Variants in ERG observed in about 807,000 individuals in gnomAD.
ERG encodes ETS transcription factor ERG.
Under a neutral mutation model 55.3 loss-of-function variants are expected in ERG, and 9 were observed. The observed-to-expected ratio is 0.16, with a 90% confidence interval of 0.10 to 0.28. The LOEUF (loss-of-function observed/expected upper bound fraction) is 0.28. Among genes scored for constraint, ERG ranks in the 10% least tolerant of loss-of-function variants. The pLI is 1.00. For synonymous variants in ERG, 223 were observed against 237.3 expected (o/e 0.94, Z 0.55); for missense variants, 434 against 631.6 (o/e 0.69, Z 3.35).
intron 1 of ERG, among the ~76,000 whole-genome samples, chr21:38,468,567 G>C (rs2059110099): frequency 6.6e-6 from 1 of 152,120 alleles, no homozygotes; most frequent in South Asian, 2.1e-4. Flanking sequence ...TGACAGCAGA[G>C]GAAAGAATTG....
intron 2 of ERG, among the ~76,000 whole-genome samples, chr21:38,442,797 A>AT (rs1056519802): frequency 2.6e-5 from 4 of 152,092 alleles, no homozygotes; most frequent in African/African-American, 9.7e-5. Context: ...CAGAATGCTT[A>AT]TTTTTTTATT....
Position 38,445,571 on chromosome 21 carries a change from G to T in ERG, c.69C>A (p.Tyr23Ter). Residue 23 changes from tyrosine to a stop codon, truncating the protein, a stop_gained, in exon 2 of 10, where the codon TAC becomes TAA. Transcript: ENST00000288319. LOFTEE classifies it high-confidence loss of function. Reference protein sequence around the residue: ...SEDQSLFECAYGTPHLAKTEM... With the variant: ...SEDQSLFECA ...CTGTCTTAGCCAGGTGTGGCGTTCC[G>T]TAGGCACACTCAAACAACGACTGGT... 6.2e-7 allele frequency: 1 copy of T among 1,614,036 alleles called. No individual in the cohort carries two copies. Among genetic ancestry groups the T allele is most frequent in the Non-Finnish European group, 8.5e-7 (1 of 1,180,010 alleles).
At chr21:38,619,518 A>C (rs1027496289) in intron 1 of ERG, among the ~76,000 whole-genome samples, 1 of 152,136 alleles carries the variant, frequency 6.6e-6, no homozygotes, top group Non-Finnish European at 1.5e-5. Context: ...AAAGACCCCA[A>C]AAAAATGGCA....
At chr21:38,521,729 G>A (rs1263354351) in intron 2 of ERG, among the ~76,000 whole-genome samples, 1 of 152,176 alleles carries the variant, frequency 6.6e-6, no homozygotes, top group Admixed American at 6.5e-5. Context: ...TAGACACAAT[G>A]GTGACAAAGC....
chr21:38,445,417 C>A lies in ERG; in HGVS notation c.223G>T (p.Val75Leu). ...TIKMECNPSQVNGSRNSPDEC... is the reference protein window; with the variant it reads ...TIKMECNPSQLNGSRNSPDEC... The stretch of plus-strand genomic sequence containing the variant: ...AAGTCTCCTTACCTTGAGCCATTCA[C>A]CTGGCTAGGGTTACATTCCATTTTG... Residue 75 changes from valine (V) to leucine (L), a missense_variant, in exon 2 of 10, where the codon GTG becomes TTG. By Grantham distance (32) the Val-to-Leu change is conservative. Around this residue, in one of 5 missense-constraint regions of ERG, gnomAD observed 212 missense variants for 262.9 expected, o/e 0.81. Transcript: ENST00000288319. 6.2e-7 allele frequency: 1 copy of A among 1,613,730 alleles called. No homozygotes were observed. The highest frequency in any genetic ancestry group is 8.5e-7 in the Non-Finnish European group (1 of 1,179,652).
Position 38,445,591 on chromosome 21 carries a change from A to G in ERG, c.49T>C (p.Ser17Pro). 6.2e-7 allele frequency: 1 copy of G among 1,614,112 alleles called. No individual in the cohort carries two copies. The highest frequency in any genetic ancestry group is 8.5e-7 in the Non-Finnish European group (1 of 1,180,028). ...GTTCCGTAGGCACACTCAAACAACG[A>G]CTGGTCCTCACTCACAACTGATAAG... Reference protein sequence around the residue: ...EALSVVSEDQSLFECAYGTPH... With the variant: ...EALSVVSEDQPLFECAYGTPH... The change falls in exon 2 of 10, where the codon TCG becomes CCG. Residue 17 changes from serine (S) to proline (P), a missense_variant. Ser to Pro is a moderately conservative substitution (Grantham distance 74). Transcript: ENST00000288319.
At chr21:38,526,085 G>A (rs2059628266) in intron 2 of ERG, among the ~76,000 whole-genome samples, 1 of 152,166 alleles carries the variant, frequency 6.6e-6, no homozygotes, top group African/African-American at 2.4e-5. Flanking sequence ...AAATGTGATG[G>A]CGTGGTCTGT....
rs192875418 is a variant in ERG, at chr21:38,406,141, C to T, written c.389-2432G>A. On this transcript the variant is annotated intron_variant, in intron 3 of 9. Transcript: ENST00000288319. ...CTGCACTCCAGCCTGAGCGACAGAG[C>T]GAGACTCCATCTCAAAAAAAAAAAA... Among the ~76,000 whole-genome samples the T allele has an allele frequency of 4.2e-3, 280 of 66,628 alleles. 1 individual carries two copies. The highest frequency in any genetic ancestry group is 0.014 in the African/African-American group (246 of 17,568). 43.7% of individuals were successfully genotyped at this position (66,628 alleles called of 152,430 possible). A position where few individuals can be genotyped will look rare whatever the true frequency, so the allele number is the denominator to read the frequency against.
intron 1 of ERG, among the ~76,000 whole-genome samples, chr21:38,650,552 G>A (rs1267936491): frequency 2.6e-5 from 4 of 152,050 alleles, no homozygotes; most frequent in South Asian, 4.2e-4. Context: ...CACAAGAATC[G>A]CTTGAACCCA....
intron 1 of ERG, among the ~76,000 whole-genome samples, chr21:38,469,002 G>GAAAAAAAAAAAAAA (rs796522125): frequency 4.8e-5 from 3 of 62,098 alleles, no homozygotes; most frequent in Non-Finnish European, 1.2e-4. Context: ...AAAAAAAAAA[G>GAAAAAAAAAAAAAA]AAAAAAAAAA....
chr21:38,595,420 C>G (rs954374588), intron 1 of ERG, among the ~76,000 whole-genome samples: 1 of 152,110 alleles, frequency 6.6e-6, no homozygotes, highest in African/African-American at 2.4e-5. Context: ...GAGAGGAGAG[C>G]AGGATGGAAA....
intron 2 of ERG, among the ~76,000 whole-genome samples, chr21:38,533,651 C>T (rs1186132712): frequency 6.6e-6 from 1 of 152,144 alleles, no homozygotes; most frequent in Non-Finnish European, 1.5e-5. Context: ...TCTCTCTTGC[C>T]TGGGGTATAT....
intron 2 of ERG, among the ~76,000 whole-genome samples, chr21:38,436,612 T>A (rs2058792652): frequency 6.6e-6 from 1 of 152,228 alleles, no homozygotes. Context: ...CATCCGTAAA[T>A]GTGAATAATC....
downstream of ERG, among the ~76,000 whole-genome samples, chr21:38,379,342 A>C (rs1987326758): frequency 6.6e-6 from 1 of 152,140 alleles, no homozygotes. Context: ...TTTAATTAGT[A>C]CTGTTTGGCT....
downstream of ERG, among the ~76,000 whole-genome samples, chr21:38,378,921 C>T (rs1047674638): frequency 2.0e-5 from 3 of 152,234 alleles, no homozygotes; most frequent in Non-Finnish European, 4.4e-5. Flanking sequence ...TCTGTCAAGA[C>T]ATTTTTTTAA....
chr21:38,532,282 A>G (rs2059677914), intron 2 of ERG, among the ~76,000 whole-genome samples: 7 of 152,280 alleles, frequency 4.6e-5, no homozygotes, highest in Admixed American at 4.6e-4. Context: ...TTTGAGTTGC[A>G]AGGAAAATAT....
intron 2 of ERG, among the ~76,000 whole-genome samples, chr21:38,561,764 T>A (rs536423928): frequency 6.6e-6 from 1 of 152,334 alleles, no homozygotes; most frequent in East Asian, 1.9e-4. Flanking sequence ...ATTGTTCGTT[T>A]TTCAATATTG....
At chr21:38,459,079 T>C (rs1164039416) in intron 1 of ERG, among the ~76,000 whole-genome samples, 4 of 152,200 alleles carry the variant, frequency 2.6e-5, no homozygotes, top group African/African-American at 9.6e-5. Flanking sequence ...ATTCTCTAAA[T>C]GTCAGCTTTC....
At chr21:38,655,431 C>A (rs2060512908) in intron 1 of ERG, among the ~76,000 whole-genome samples, 2 of 152,196 alleles carry the variant, frequency 1.3e-5, no homozygotes, top group Non-Finnish European at 2.9e-5. Context: ...ATTTTAAGAA[C>A]ACAATGCAAT....
Sources: gnomAD v4.1 joint callset for allele counts (sites outside exome capture counted in the v4.1 genomes callset) on GRCh38, gnomAD v4.1.1 for gene constraint, gnomAD v4.1.1 regional missense constraint, MANE v1.5 for transcripts, NCBI Gene and HGNC (gene_info 2026-07-23, HGNC 2026-07-21) for gene names.